The following ANKRD30B variants were observed in gnomAD, a reference collection of about 807,000 sequenced individuals.
ANKRD30B encodes the protein ankyrin repeat domain 30B.
ANKRD30B carries 144 observed loss-of-function variants against 202.2 expected under a neutral mutation model. That is an observed-to-expected ratio of 0.71 (90% CI 0.62 to 0.82). The LOEUF is 0.82. Among genes scored for constraint, ANKRD30B ranks in the 40% least tolerant of loss-of-function variants. The pLI is 0.00. For synonymous variants in ANKRD30B, 508 were observed against 561.3 expected, an observed-to-expected ratio of 0.91 and a Z score of 1.34; for missense variants, 1,487 against 1,669.1, an observed-to-expected ratio of 0.89 and a Z score of 1.90.
At chr18:14,871,407 C>T in the ANKRD30B span, among the ~76,000 whole-genome samples, 5 of 151,384 alleles carry the variant, frequency 3.3e-5, no homozygotes, top group Admixed American at 1.3e-4. Context: ...AGTGCAGCCT[C>T]GTACTCTGTG....
intron 24 of ANKRD30B, among the ~76,000 whole-genome samples, chr18:14,808,127 A>G (rs1969638370): frequency 6.6e-6 from 1 of 150,752 alleles, no homozygotes; most frequent in Admixed American, 6.6e-5. Context: ...TATTGACATA[A>G]GAGATTCTGA....
chr18:14,860,133 G>A, the ANKRD30B span, among the ~76,000 whole-genome samples: 1 of 147,104 alleles, frequency 6.8e-6, no homozygotes, highest in Non-Finnish European at 1.5e-5. Context: ...GCTGGGCAGA[G>A]GCGCTCCTCA....
At chr18:14,861,597 C>A in the ANKRD30B span, among the ~76,000 whole-genome samples, 10 of 149,560 alleles carry the variant, frequency 6.7e-5, no homozygotes, top group African/African-American at 2.5e-4. Context: ...TATATGCAGC[C>A]AACATTAGAG....
rs1913689939 is a variant in ANKRD30B at position 14,752,888 on chromosome 18, G to T, written c.386G>T (p.Gly129Val). The T allele has an allele frequency of 1.2e-6, 2 of 1,608,614 alleles. No homozygotes were observed. Among genetic ancestry groups the T allele is most frequent in the Non-Finnish European group, 8.5e-7 (1 of 1,177,032 alleles). ...EACANILIDAGADLNYVDVYG... is the reference protein window; with the variant it reads ...EACANILIDAVADLNYVDVYG... ...TGTGCAAATATTCTCATAGATGCTG[G>T]TGCTGATCTAAATTATGTAGATGTG... The change falls in exon 3 of 44, where the codon GGT (glycine) becomes GTT (valine). Residue 129 changes from glycine to valine, a missense_variant. Physicochemically the swap from Gly to Val is moderately radical, Grantham distance 109. This residue lies in a region of ANKRD30B where 889 missense variants were observed against 841.4 expected (regional missense o/e 1.06). Transcript: ENST00000690538.
At chr18:14,934,271 G>A in the ANKRD30B span, among the ~76,000 whole-genome samples, 17 of 152,264 alleles carry the variant, frequency 1.1e-4, no homozygotes, top group African/African-American at 1.7e-4. Context: ...GGGCAGGGGC[G>A]TGTCAGTGCC....
chr18:14,931,807 G>A, the ANKRD30B span, among the ~76,000 whole-genome samples: 1 of 148,982 alleles, frequency 6.7e-6, no homozygotes, highest in Non-Finnish European at 1.5e-5. Flanking sequence ...TTCTTACAGG[G>A]ATGGAGTCCT....
At chr18:14,843,559 GT>G (rs1381556113) in intron 39 of ANKRD30B, among the ~76,000 whole-genome samples, 2 of 35,624 alleles carry the variant, frequency 5.6e-5, no homozygotes, top group African/African-American at 2.0e-4. Context: ...CTTTCTGTGT[GT>G]GTGTGTGTGT....
At chr18:14,920,469 A>G in the ANKRD30B span, among the ~76,000 whole-genome samples, 1 of 152,192 alleles carries the variant, frequency 6.6e-6, no homozygotes, top group Non-Finnish European at 1.5e-5. Context: ...GACACACCAT[A>G]GTGTCTAGAA....
downstream of ANKRD30B, among the ~76,000 whole-genome samples, chr18:14,857,422 T>C (rs1336304747): frequency 8.1e-4 from 1 of 1,236 alleles, no homozygotes; most frequent in African/African-American, 8.9e-4. Context: ...CAGGCAGAGG[T>C]GCTCCTCGCC....
At chr18:14,901,876 T>C in the ANKRD30B span, among the ~76,000 whole-genome samples, 1 of 152,214 alleles carries the variant, frequency 6.6e-6, no homozygotes. Flanking sequence ...ACTGGCCTGA[T>C]ACGTTGTCTA....
At chr18:14,880,542 G>A in the ANKRD30B span, among the ~76,000 whole-genome samples, 16 of 147,696 alleles carry the variant, frequency 1.1e-4, no homozygotes, top group South Asian at 2.2e-4. Context: ...TGTTTGTGTC[G>A]TCTATGATTT....
rs767398948 is a variant in ANKRD30B at position 14,826,691 on chromosome 18, T to TCACACACACACACACACA, written c.2744-1586_2744-1585insACACACACACACACACAC. Among the ~76,000 whole-genome samples the TCACACACACACACACACA allele has an allele frequency of 5.0e-4, 42 of 83,834 alleles. 1 individual carries two copies. Among genetic ancestry groups the TCACACACACACACACACA allele is most frequent in the East Asian group, 4.7e-3 (6 of 1,284 alleles). 55.0% of individuals were successfully genotyped at this position (83,834 alleles called of 152,430 possible). A position where few individuals can be genotyped will look rare whatever the true frequency, so the allele number is the denominator to read the frequency against. ...CTCTCTCTCCCCCTCTCTCTCTCTC[T>TCACACACACACACACACA]CTCACACACACACACACACACACAC... On this transcript the variant is annotated intron_variant, in intron 32 of 43. Coordinates refer to ENST00000690538, the MANE Select transcript of ANKRD30B (RefSeq NM_001367607.2).
chr18:14,748,247 T>G lies in ANKRD30B; in HGVS notation c.-173T>G. On this transcript the variant is annotated 5_prime_UTR_variant, in exon 1 of 44. Transcript: ENST00000690538. The stretch of plus-strand genomic sequence containing the variant: ...GACAGAGGCCGGAGTGTTCAAGAGC[T>G]TGGCGATACAGAAATTTCTGCTGGT... 1.8e-6 allele frequency: 1 copy of G among 558,890 alleles called. No individual in the cohort carries two copies. Among genetic ancestry groups the G allele is most frequent in the Non-Finnish European group, 3.1e-6 (1 of 319,788 alleles). The allele number at this position is 558,890 out of a possible 1,614,324, so 34.6% of individuals were successfully genotyped here. A position where few individuals can be genotyped will look rare whatever the true frequency, so the allele number is the denominator to read the frequency against.
intron 30 of ANKRD30B, among the ~76,000 whole-genome samples, chr18:14,821,898 C>T (rs913196159): frequency 6.6e-6 from 1 of 152,174 alleles, no homozygotes; most frequent in Non-Finnish European, 1.5e-5. Flanking sequence ...TATTTATAAA[C>T]TTTCATTCTA....
the ANKRD30B span, among the ~76,000 whole-genome samples, chr18:14,916,832 T>G: frequency 6.6e-6 from 1 of 152,168 alleles, no homozygotes; most frequent in African/African-American, 2.4e-5. Flanking sequence ...CTTAATGTTC[T>G]TAATGATCCT....
At chr18:14,793,022 A>C (rs2143940948) in intron 16 of ANKRD30B, among the ~76,000 whole-genome samples, 1 of 152,306 alleles carries the variant, frequency 6.6e-6, no homozygotes, top group South Asian at 2.1e-4. Flanking sequence ...AACTAAATTT[A>C]TAACAAATAC....
rs776619151 is a variant in ANKRD30B, at chr18:14,837,295, G to A, written c.2926+6G>A. ...AGCTCCACAAGATCAAACAAGTAAT[G>A]ACAATTTTATTTTTTATACCAAAAT... On this transcript the variant is annotated splice_donor_region_variant and intron_variant, in intron 35 of 43. Transcript: ENST00000690538. 6.1e-5 allele frequency: 93 copies of A among 1,529,504 alleles called. No homozygotes were observed. Among genetic ancestry groups the A allele is most frequent in the Non-Finnish European group, 7.6e-5 (86 of 1,136,006 alleles). 94.7% of individuals were successfully genotyped at this position (1,529,504 alleles called of 1,614,324 possible). A position where few individuals can be genotyped will look rare whatever the true frequency, so the allele number is the denominator to read the frequency against.
At chr18:14,782,476 G>T in intron 11 of ANKRD30B, 51 bp from the exon 12 acceptor site, 1 of 1,302,860 alleles carries the variant, frequency 7.7e-7, no homozygotes, top group Non-Finnish European at 1.1e-6. Flanking sequence ...GAATTTTGAT[G>T]CTTCTTATGA....
At chr18:14,764,426 G>A (rs1021774749) in intron 7 of ANKRD30B, among the ~76,000 whole-genome samples, 1 of 152,000 alleles carries the variant, frequency 6.6e-6, no homozygotes, top group Non-Finnish European at 1.5e-5. Flanking sequence ...GTCTCGCACT[G>A]TTGCCTGGGC....
Sources: allele counts gnomAD v4.1 joint callset (sites outside exome capture counted in the v4.1 genomes callset), GRCh38; gene constraint gnomAD v4.1.1; regional missense constraint gnomAD v4.1.1; transcripts MANE v1.5; gene names NCBI Gene and HGNC (gene_info 2026-07-23, HGNC 2026-07-21).